The following PHACTR2 variants were observed in gnomAD, a reference collection of about 807,000 sequenced individuals.
PHACTR2 encodes chromosome 6 open reading frame 56.
PHACTR2 carries 30 observed loss-of-function variants against 76.0 expected under a neutral mutation model. That is an observed-to-expected ratio of 0.39 (90% CI 0.30 to 0.54). The LOEUF (loss-of-function observed/expected upper bound fraction) is 0.54, where lower values mean the gene tolerates loss of function less well. Among genes scored for constraint, PHACTR2 ranks in the 20% least tolerant of loss-of-function variants. PHACTR2 has a pLI of 0.61. For synonymous variants in PHACTR2, 292 were observed against 292.5 expected (o/e 1.00, Z 0.02); for missense variants, 696 against 781.1 (o/e 0.89, Z 1.30).
Position 143,829,936 on chromosome 6 carries a change from A to C in PHACTR2, c.*6247A>C, listed in dbSNP as rs1261635923. On this transcript the variant is annotated 3_prime_UTR_variant, in exon 13 of 13. Coordinates refer to ENST00000440869, the MANE Select transcript of PHACTR2 (RefSeq NM_001100164.2). The stretch of plus-strand genomic sequence containing the variant: ...GCCACTCTACCCTCAGGTCAATTTT[A>C]TGGTATATGAAAATGCCAGTAATAT... 1 of 152,144 alleles carries C rather than the reference A, an allele frequency of 6.6e-6. No homozygotes were observed. The highest frequency in any genetic ancestry group is 1.9e-4 in the East Asian group (1 of 5,198). 9.4% of individuals were successfully genotyped at this position (152,144 alleles called of 1,614,324 possible).
chr6:143,678,345 T>A lies in PHACTR2; in HGVS notation c.46+136T>A. On this transcript the variant is annotated intron_variant, in intron 1 of 12. Transcript: ENST00000440869. The surrounding 1 kb of genome is among the most constrained non-coding windows in gnomAD (Gnocchi z 6.2). ...AAGTCCCTCGGAGAAACCCCAGAGG[T>A]AGCGCTCGCCAAACTCTTTGTCGTG... is the stretch of plus-strand genomic sequence containing the variant. 1 of 738,160 alleles carries A rather than the reference T, an allele frequency of 1.4e-6. No homozygotes were observed. Among genetic ancestry groups the A allele is most frequent in the Non-Finnish European group, 2.0e-6 (1 of 506,640 alleles). The allele number at this position is 738,160 out of a possible 1,614,324, so 45.7% of individuals were successfully genotyped here.
intron 1 of PHACTR2, among the ~76,000 whole-genome samples, chr6:143,545,834 T>A (rs1384491963): frequency 6.6e-6 from 1 of 152,220 alleles, no homozygotes; most frequent in Non-Finnish European, 1.5e-5. Flanking sequence ...TATCAAAAAG[T>A]ATTTTTAAGG....
rs199524373 is a variant in PHACTR2, at chr6:143,774,157, C to A, written c.1531C>A (p.Arg511Ser). 6.2e-7 allele frequency: 1 copy of A among 1,613,824 alleles called. No homozygotes were observed. Among genetic ancestry groups the A allele is most frequent in the East Asian group, 2.2e-5 (1 of 44,882 alleles). Residue 511 changes from arginine (R) to serine (S), a missense_variant, in exon 8 of 13, where the codon CGT becomes AGT. Physicochemically the swap from Arg to Ser is moderately radical, Grantham distance 110. Around this residue, in one of 2 missense-constraint regions of PHACTR2, gnomAD observed 236 missense variants for 330.2 expected, o/e 0.71. Transcript: ENST00000440869. The surrounding 1 kb of genome is among the most constrained non-coding windows in gnomAD (Gnocchi z 5.4). ...KELEDKNILQRTSEEERQEIR... is the reference protein window; with the variant it reads ...KELEDKNILQSTSEEERQEIR... ...ACTAGAGGACAAAAACATCTTGCAGCGTACATCTGAAGAAGAGAGGCAGGA... is the reference window on the plus strand; with the variant it reads ...ACTAGAGGACAAAAACATCTTGCAGAGTACATCTGAAGAAGAGAGGCAGGA...
In PHACTR2 at chr6:143,596,305, C is replaced by A. The variant is rs573544397; in HGVS notation, c.217+59098C>A. The stretch of plus-strand genomic sequence containing the variant: ...TATGTTCTGTTTTCCAAGTTGGGAG[C>A]GGCTAACTAAGCGGGTCGTCCTTTC... On this transcript the variant is annotated intron_variant, in intron 1 of 11. Coordinates refer to the PHACTR2 transcript ENST00000367584. The surrounding 1 kb of genome is among the most constrained non-coding windows in gnomAD (Gnocchi z 4.6). 2.6e-5 allele frequency among the ~76,000 whole-genome samples: 4 copies of A among 151,656 alleles called. No individual in the cohort carries two copies. The highest frequency in any genetic ancestry group is 9.7e-5 in the African/African-American group (4 of 41,232).
Position 143,550,205 on chromosome 6 carries a change from C to T in PHACTR2, c.217+12998C>T, listed in dbSNP as rs142504061. On this transcript the variant is annotated intron_variant, in intron 1 of 11. Transcript: ENST00000367584. This position sits in a 1 kb window ranked among gnomAD's most constrained non-coding sequence, Gnocchi z 4.8. The stretch of plus-strand genomic sequence containing the variant: ...TACACATTCTAACATAGGAATCACC[C>T]GGGGATCTTGTTGAAATGCAGTAGG... 4.4e-3 allele frequency among the ~76,000 whole-genome samples: 670 copies of T among 152,142 alleles called. 17 individuals are homozygous for T. The highest frequency in any genetic ancestry group is 0.039 in the Admixed American group (590 of 15,282).
At chr6:143,642,027 C>A (rs1776573265) in intron 1 of PHACTR2, among the ~76,000 whole-genome samples, 1 of 152,152 alleles carries the variant, frequency 6.6e-6, no homozygotes, top group Non-Finnish European at 1.5e-5. Flanking sequence ...AGCTCCTCTG[C>A]AGTTAAGTAC....
In PHACTR2 at chr6:143,700,571, G is replaced by C. The variant is rs540750162; in HGVS notation, c.47-11445G>C. Among the ~76,000 whole-genome samples the C allele has an allele frequency of 3.9e-5, 6 of 152,190 alleles. No individual in the cohort carries two copies. The East Asian group carries it at 7.7e-4, about 20-fold the overall frequency. On this transcript the variant is annotated intron_variant, in intron 1 of 12. Transcript: ENST00000440869. This position sits in a 1 kb window ranked among gnomAD's most constrained non-coding sequence, Gnocchi z 4.1. ...TCCATTGATTGGGGGCAGTGGGGAG[G>C]GGGGGCGAGAGGAGAACTGTGATAT... is the stretch of plus-strand genomic sequence containing the variant.
In PHACTR2 at chr6:143,618,256, AACACACACACACAC is replaced by A. The variant is rs66800720; in HGVS notation, c.13+9951_13+9964del. 6.9e-6 allele frequency among the ~76,000 whole-genome samples: 1 copy of A among 145,216 alleles called. No individual in the cohort carries two copies. The highest frequency in any genetic ancestry group is 2.6e-5 in the African/African-American group (1 of 38,808). The stretch of plus-strand genomic sequence containing the variant: ...GTTCCACCTTGTACTTCCTGCTCCA[AACACACACACACAC>A]ACACACACACACACACGCACACTCC... On this transcript the variant is annotated intron_variant, in intron 1 of 11. Transcript: ENST00000305766. The surrounding 1 kb of genome is among the most constrained non-coding windows in gnomAD (Gnocchi z 5.2).
In PHACTR2 at chr6:143,754,071, G is replaced by A. The variant is rs1194995512; in HGVS notation, c.454+159G>A. The A allele has an allele frequency of 1.6e-4, 69 of 436,060 alleles. No homozygotes were observed. The East Asian group carries it at 2.1e-3, about 14-fold the overall frequency. 27.0% of individuals were successfully genotyped at this position (436,060 alleles called of 1,614,324 possible). A position where few individuals can be genotyped will look rare whatever the true frequency, so the allele number is the denominator to read the frequency against. On this transcript the variant is annotated intron_variant, in intron 4 of 12. Transcript: ENST00000440869. The surrounding 1 kb of genome is among the most constrained non-coding windows in gnomAD (Gnocchi z 6.2). ...AAATGATAACTAGTAAAGTGAAATC[G>A]GATGATTTTCTCAGGTAGATGCATC...
At position 143,782,847 on chromosome 6, in the gene PHACTR2, A is replaced by T. The variant is rs1219027836; in HGVS notation, c.1646-372A>T. 6.6e-6 allele frequency among the ~76,000 whole-genome samples: 1 copy of T among 152,180 alleles called. No homozygotes were observed. The highest frequency in any genetic ancestry group is 6.5e-5 in the Admixed American group (1 of 15,280). On this transcript the variant is annotated intron_variant, in intron 9 of 12. Coordinates refer to ENST00000440869, the MANE Select transcript of PHACTR2 (RefSeq NM_001100164.2). This position sits in a 1 kb window ranked among gnomAD's most constrained non-coding sequence, Gnocchi z 4.6. ...GATCCAGAAGTAAATTTTTATCTGA[A>T]TTCTGGTAAATTGTGCTTATAAGCC...
chr6:143,773,946 A>T (rs1208086452), intron 7 of PHACTR2, 113 bp from the exon 8 acceptor site: 15 of 741,592 alleles, frequency 2.0e-5, no homozygotes, highest in Non-Finnish European at 2.8e-5. Context: ...CTCCTCCTGC[A>T]TGAGGAGAAA....
rs540494973 is a variant in PHACTR2 at position 143,694,712 on chromosome 6, T to A, written c.46+16503T>A. ...TGTTTAAACACCTGTCAAAGTAAAG[T>A]CAGAACAAGAATGTTCTTGCCAGAA... On this transcript the variant is annotated intron_variant, in intron 1 of 12. Transcript: ENST00000440869. Among the ~76,000 whole-genome samples the A allele has an allele frequency of 2.5e-4, 38 of 152,294 alleles. No homozygotes were observed. The South Asian group carries it at 7.0e-3, about 28-fold the overall frequency.
chr6:143,714,800 A>T (rs940642840), intron 2 of PHACTR2, among the ~76,000 whole-genome samples: 1 of 152,182 alleles, frequency 6.6e-6, no homozygotes, highest in Non-Finnish European at 1.5e-5. Flanking sequence ...CTATTGTTAG[A>T]ACTCAAAATG....
At chr6:143,612,174 G>A (rs1775988932) in intron 1 of PHACTR2, among the ~76,000 whole-genome samples, 1 of 152,092 alleles carries the variant, frequency 6.6e-6, no homozygotes, top group South Asian at 2.1e-4. Context: ...TCTATGGGAT[G>A]GTACAGAGAA....
intron 1 of PHACTR2, among the ~76,000 whole-genome samples, chr6:143,711,641 G>A (rs910905202): frequency 2.6e-5 from 4 of 152,190 alleles, no homozygotes; most frequent in African/African-American, 9.7e-5. Flanking sequence ...GAGAATGTCA[G>A]ACTAGTCTCT....
At chr6:143,634,098 T>C (rs12196002) in intron 1 of PHACTR2, among the ~76,000 whole-genome samples, 41,046 of 152,100 alleles carry the variant, frequency 0.27, 7,330 homozygotes, top group Non-Finnish European at 0.4. Context: ...ATGTAGAAAA[T>C]GGCCTAGAAA....
At chr6:143,643,928 A>C (rs896524222) in intron 1 of PHACTR2, among the ~76,000 whole-genome samples, 3 of 152,208 alleles carry the variant, frequency 2.0e-5, no homozygotes, top group Non-Finnish European at 2.9e-5. Context: ...TGCTTACTGG[A>C]TATCAAAAAA....
In PHACTR2 at chr6:143,656,772, T is replaced by C. The variant is rs1190825353; in HGVS notation, c.13+48450T>C. 6.6e-6 allele frequency among the ~76,000 whole-genome samples: 1 copy of C among 152,194 alleles called. No homozygotes were observed. On this transcript the variant is annotated intron_variant, in intron 1 of 11. Transcript: ENST00000305766. The surrounding 1 kb of genome is among the most constrained non-coding windows in gnomAD (Gnocchi z 5.3). ...ATTAATAACTCAAACAGAAAAAGCATGTCTGTTAGTTTTGCAATCCGCAAA... is the reference window on the plus strand; with the variant it reads ...ATTAATAACTCAAACAGAAAAAGCACGTCTGTTAGTTTTGCAATCCGCAAA...
intron 1 of PHACTR2, among the ~76,000 whole-genome samples, chr6:143,704,707 C>CT (rs948112832): frequency 5.9e-5 from 9 of 152,064 alleles, no homozygotes; most frequent in Admixed American, 2.0e-4. Flanking sequence ...CTAATGTCGT[C>CT]TTTTTTTTGT....
Sources: allele counts gnomAD v4.1 joint callset (sites outside exome capture counted in the v4.1 genomes callset), GRCh38; gene constraint gnomAD v4.1.1; regional missense constraint gnomAD v4.1.1; non-coding constraint Gnocchi (gnomAD v3.1); transcripts MANE v1.5; gene names NCBI Gene and HGNC (gene_info 2026-07-23, HGNC 2026-07-21).